The following MTUS2 variants were observed in gnomAD, a reference collection of about 807,000 sequenced individuals.
MTUS2 encodes microtubule-associated tumor suppressor candidate 2.
A neutral mutation model predicts 114.1 loss-of-function variants in MTUS2; 40 were observed. That is an observed-to-expected ratio of 0.35 (90% CI 0.27 to 0.46). The LOEUF is 0.46. Among genes scored for constraint, MTUS2 ranks in the 20% least tolerant of loss-of-function variants. The pLI is 1.00. For synonymous variants in MTUS2, 688 were observed against 672.0 expected, an observed-to-expected ratio of 1.02 and a Z score of -0.37; for missense variants, 1,679 against 1,705.4, an observed-to-expected ratio of 0.98 and a Z score of 0.27.
At chr13:28,917,883 T>C (rs1161521884) in intron 2 of MTUS2, among the ~76,000 whole-genome samples, 1 of 151,930 alleles carries the variant, frequency 6.6e-6, no homozygotes, top group Admixed American at 6.6e-5. Context: ...TTAGTATTGC[T>C]TTTGCTGTAT....
intron 4 of MTUS2, among the ~76,000 whole-genome samples, chr13:29,090,849 C>T (rs1262197661): frequency 1.3e-5 from 2 of 152,252 alleles, no homozygotes; most frequent in South Asian, 4.1e-4. Flanking sequence ...CCATGCCAAA[C>T]CCTTTGGGAC....
At chr13:28,917,404 T>C (rs1247868458) in intron 2 of MTUS2, among the ~76,000 whole-genome samples, 1 of 151,878 alleles carries the variant, frequency 6.6e-6, no homozygotes, top group African/African-American at 2.4e-5. Context: ...AACTTTTCTT[T>C]ACTGGGGGAC....
intron 5 of MTUS2, among the ~76,000 whole-genome samples, chr13:29,129,357 G>A (rs894776463): frequency 6.6e-6 from 1 of 151,986 alleles, no homozygotes; most frequent in Admixed American, 6.6e-5. Context: ...TTTATAAAAC[G>A]AACATTTGGG....
In MTUS2 at chr13:29,496,565, G is replaced by C. The variant is rs909000530; in HGVS notation, c.3580-673G>C. The C allele has an allele frequency of 1.3e-5, 2 of 152,914 alleles. No individual in the cohort carries two copies. The highest frequency in any genetic ancestry group is 4.8e-5 in the African/African-American group (2 of 41,444). 9.5% of individuals were successfully genotyped at this position (152,914 alleles called of 1,614,324 possible). ...CTTGAGGGCAGTGGAGGAGGAGATA[G>C]GGGAAGGACAGGTTCCGGTTTGCAC... is the stretch of plus-strand genomic sequence containing the variant. On this transcript the variant is annotated intron_variant, in intron 12 of 15. Coordinates refer to ENST00000612955, the MANE Select transcript of MTUS2 (RefSeq NM_001033602.4). The surrounding 1 kb of genome is among the most constrained non-coding windows in gnomAD (Gnocchi z 4.3).
intron 5 of MTUS2, among the ~76,000 whole-genome samples, chr13:29,178,413 C>T (rs868565984): frequency 1.8e-4 from 27 of 152,146 alleles, no homozygotes; most frequent in Middle Eastern, 3.4e-3. Context: ...CGGAGATATT[C>T]TATGAATTGC....
At chr13:29,499,919 AC>A (rs746552837) in intron 14 of MTUS2, among the ~76,000 whole-genome samples, 4 of 152,136 alleles carry the variant, frequency 2.6e-5, no homozygotes, top group Non-Finnish European at 5.9e-5. Context: ...ACCACTCTGC[AC>A]CCTCCAGCAG....
At chr13:29,102,500 A>T (rs1890464009) in intron 5 of MTUS2, among the ~76,000 whole-genome samples, 1 of 152,320 alleles carries the variant, frequency 6.6e-6, no homozygotes, top group Middle Eastern at 3.4e-3. Context: ...GCTTCAGAGG[A>T]TACTAGAGAG....
chr13:29,260,938 G>T (rs942555540), intron 5 of MTUS2, among the ~76,000 whole-genome samples: 1 of 152,120 alleles, frequency 6.6e-6, no homozygotes, highest in Non-Finnish European at 1.5e-5. Context: ...CAGCACTCCT[G>T]CCCCCAGTAA....
intron 10 of MTUS2, among the ~76,000 whole-genome samples, chr13:29,482,999 T>G (rs754231585): frequency 6.6e-6 from 1 of 152,178 alleles, no homozygotes; most frequent in South Asian, 2.1e-4. Flanking sequence ...TGTTTCTGTT[T>G]AGTGGGAGAG....
chr13:29,195,194 GTAAC>G (rs1351551490), intron 5 of MTUS2, among the ~76,000 whole-genome samples: 1 of 151,320 alleles, frequency 6.6e-6, no homozygotes, highest in South Asian at 2.1e-4. Context: ...GTATACATAT[GTAAC>G]TAACCTGCAC....
chr13:29,274,263 G>T (rs138156850), intron 5 of MTUS2, among the ~76,000 whole-genome samples: 1 of 151,938 alleles, frequency 6.6e-6, no homozygotes, highest in Non-Finnish European at 1.5e-5. Context: ...ACAGGTGCCC[G>T]CCACAACTGG....
At chr13:28,984,011 C>G (rs887794795) in intron 2 of MTUS2, among the ~76,000 whole-genome samples, 1 of 152,198 alleles carries the variant, frequency 6.6e-6, no homozygotes, top group Non-Finnish European at 1.5e-5. Context: ...CACTTTGTTT[C>G]TTTACCTGTT....
intron 5 of MTUS2, among the ~76,000 whole-genome samples, chr13:29,230,403 G>A (rs1163875324): frequency 2.0e-5 from 3 of 152,288 alleles, no homozygotes; most frequent in South Asian, 2.1e-4. Context: ...TCTCTACTTC[G>A]GTATTCTGTG....
At chr13:29,244,420 T>C (rs1896836095) in intron 5 of MTUS2, among the ~76,000 whole-genome samples, 1 of 151,852 alleles carries the variant, frequency 6.6e-6, no homozygotes, top group Non-Finnish European at 1.5e-5. Context: ...TTTTCAACCA[T>C]GGATCCCGGG....
chr13:29,234,269 G>A (rs951890436), intron 5 of MTUS2, among the ~76,000 whole-genome samples: 1 of 152,134 alleles, frequency 6.6e-6, no homozygotes, highest in African/African-American at 2.4e-5. Flanking sequence ...TGTACAGACA[G>A]GCATGCTCTG....
At chr13:29,500,667 T>C (rs1408443124) in intron 14 of MTUS2, among the ~76,000 whole-genome samples, 1 of 152,300 alleles carries the variant, frequency 6.6e-6, no homozygotes, top group Admixed American at 6.5e-5. Flanking sequence ...TGCAGTGTGG[T>C]TGACCCTTTG....
chr13:29,026,217 G>T lies in MTUS2; in HGVS notation c.1519G>T (p.Ala507Ser), dbSNP rs188527175. Reference protein sequence around the residue: ...RESKEVTTSVAENRNLLENAD... With the variant: ...RESKEVTTSVSENRNLLENAD... ...AAGCAAAGAGGTCACCACATCTGTT[G>T]CTGAAAACAGGAACCTTCTAGAGAA... The change falls in exon 3 of 16, where the codon GCT becomes TCT. Residue 507 changes from alanine to serine, a missense_variant. Ala to Ser is a moderately conservative substitution (Grantham distance 99, BLOSUM62 1). Around this residue, in one of 3 missense-constraint regions of MTUS2, gnomAD observed 843 missense variants for 770.8 expected, o/e 1.09. Transcript: ENST00000612955. The T allele has an allele frequency of 1.7e-5, 27 of 1,614,024 alleles. No homozygotes were observed. In the East Asian group the frequency reaches 5.6e-4, roughly 33 times the overall value.
chr13:29,167,711 A>G (rs1337605565), intron 5 of MTUS2, among the ~76,000 whole-genome samples: 1 of 152,086 alleles, frequency 6.6e-6, no homozygotes, highest in African/African-American at 2.4e-5. Context: ...CCAAAATCCA[A>G]AACTCTTTGA....
At chr13:29,180,567 C>A (rs1056603338) in intron 5 of MTUS2, among the ~76,000 whole-genome samples, 1 of 152,076 alleles carries the variant, frequency 6.6e-6, no homozygotes, top group Non-Finnish European at 1.5e-5. Flanking sequence ...CTGTCTATAC[C>A]CTCAGATAAA....
Sources: allele counts gnomAD v4.1 joint callset (sites outside exome capture counted in the v4.1 genomes callset), GRCh38; gene constraint gnomAD v4.1.1; regional missense constraint gnomAD v4.1.1; non-coding constraint Gnocchi (gnomAD v3.1); transcripts MANE v1.5; gene names NCBI Gene and HGNC (gene_info 2026-07-23, HGNC 2026-07-21).